The following CTNND2 variants were observed in gnomAD, a reference collection of about 807,000 sequenced individuals.
The protein encoded by CTNND2 is catenin delta 2, also known as catenin delta-2.
CTNND2 carries 22 observed loss-of-function variants against 144.4 expected under a neutral mutation model. The ratio of observed to expected loss-of-function variants is 0.15; its 90% CI spans 0.11 to 0.22. CTNND2 has a LOEUF of 0.22. Ranked by LOEUF, CTNND2 falls within the 10% of genes least tolerant of loss-of-function variation. The pLI, the probability that CTNND2 is intolerant of heterozygous loss-of-function variation, is 1.00. For missense variants in CTNND2, 1,353 were observed against 1,618.8 expected, an observed-to-expected ratio of 0.84 and a Z score of 2.82; for synonymous variants, 751 against 695.6, an observed-to-expected ratio of 1.08 and a Z score of -1.25.
intron 9 of CTNND2, among the ~76,000 whole-genome samples, chr5:11,286,136 A>G (rs77766167): frequency 0.041 from 6,225 of 152,254 alleles, 193 homozygotes; most frequent in African/African-American, 0.083. Context: ...TTAAACTTAA[A>G]TATTTAAATA....
chr5:11,581,324 T>C (rs1778414908), intron 2 of CTNND2, among the ~76,000 whole-genome samples: 1 of 152,222 alleles, frequency 6.6e-6, no homozygotes, highest in South Asian at 2.1e-4. Context: ...AACATATGCA[T>C]ATTTTCTTAG....
intron 10 of CTNND2, among the ~76,000 whole-genome samples, chr5:11,202,369 A>G (rs1310580780): frequency 1.3e-5 from 2 of 152,186 alleles, no homozygotes; most frequent in Non-Finnish European, 2.9e-5. Flanking sequence ...GCCCTAATTA[A>G]TGCCATATAC....
intron 1 of CTNND2, among the ~76,000 whole-genome samples, chr5:11,791,848 T>C (rs898268999): frequency 3.9e-5 from 6 of 152,118 alleles, no homozygotes; most frequent in African/African-American, 1.2e-4. Flanking sequence ...TCCCTCCCTA[T>C]TTTCTGAGTG....
intron 10 of CTNND2, among the ~76,000 whole-genome samples, chr5:11,214,490 A>T (rs567122706): frequency 1.3e-5 from 2 of 152,326 alleles, no homozygotes; most frequent in East Asian, 1.9e-4. Flanking sequence ...GATGCTGAGG[A>T]CTAATAACGA....
intron 9 of CTNND2, among the ~76,000 whole-genome samples, chr5:11,306,936 C>T (rs570578999): frequency 3.9e-5 from 6 of 152,220 alleles, no homozygotes; most frequent in Non-Finnish European, 7.4e-5. Context: ...TGTGTCCCTG[C>T]GGGAGCATGC....
chr5:11,327,276 C>T (rs952487955), intron 9 of CTNND2, among the ~76,000 whole-genome samples: 1 of 152,088 alleles, frequency 6.6e-6, no homozygotes, highest in African/African-American at 2.4e-5. Context: ...GATGAACAGT[C>T]CAGATCCCCA....
intron 9 of CTNND2, among the ~76,000 whole-genome samples, chr5:11,308,928 T>C (rs1488558962): frequency 6.6e-6 from 1 of 152,120 alleles, no homozygotes; most frequent in African/African-American, 2.4e-5. Flanking sequence ...ACGTCTTACA[T>C]GGTAGGAGCA....
chr5:11,555,181 C>T lies in CTNND2; in HGVS notation c.287+9763G>A, dbSNP rs72732990. On this transcript the variant is annotated intron_variant, in intron 3 of 21. Transcript: ENST00000304623. ...GTTGCTGTGTGCTGGCCACTGGTTTCGCATATGCTTGTCATCCCCGTCCTG... is the reference window on the plus strand; with the variant it reads ...GTTGCTGTGTGCTGGCCACTGGTTTTGCATATGCTTGTCATCCCCGTCCTG... Among the ~76,000 whole-genome samples, 1,507 of 152,202 alleles carry T rather than the reference C, an allele frequency of 9.9e-3. 19 individuals are homozygous for T. Among genetic ancestry groups the T allele is most frequent in the Non-Finnish European group, 0.014 (943 of 67,996 alleles).
At chr5:11,891,401 C>T (rs1256264947) in intron 1 of CTNND2, among the ~76,000 whole-genome samples, 2 of 152,162 alleles carry the variant, frequency 1.3e-5, no homozygotes, top group Non-Finnish European at 2.9e-5. Flanking sequence ...TTCCTTGACA[C>T]TGGGTAACTT....
chr5:11,272,448 C>G lies in CTNND2; in HGVS notation c.1629-35625G>C, dbSNP rs550773691. 2.0e-5 allele frequency among the ~76,000 whole-genome samples: 3 copies of G among 152,036 alleles called. No individual in the cohort carries two copies. In the East Asian group the frequency reaches 5.8e-4, roughly 29 times the overall value. The stretch of plus-strand genomic sequence containing the variant: ...TTTGACATGTATTTTGAATCAAGAC[C>G]CACAATAAAAACCTTAGATCCACCC... On this transcript the variant is annotated intron_variant, in intron 9 of 21. Transcript: ENST00000304623.
rs114323058 is a variant in CTNND2, at chr5:11,506,634, T to A, written c.287+58310A>T. 7.7e-3 allele frequency among the ~76,000 whole-genome samples: 1,169 copies of A among 152,354 alleles called. 19 individuals are homozygous for A. The highest frequency in any genetic ancestry group is 0.027 in the African/African-American group (1,131 of 41,564). Reference sequence around the variant, plus strand: ...ACTATAGTGACCATTTTAGTATGCATATGTGTCCCATAACACCATGCTGTT... The same window carrying A: ...ACTATAGTGACCATTTTAGTATGCAAATGTGTCCCATAACACCATGCTGTT... On this transcript the variant is annotated intron_variant, in intron 3 of 21. Transcript: ENST00000304623.
chr5:11,677,642 C>T (rs183617601), intron 2 of CTNND2, among the ~76,000 whole-genome samples: 103 of 152,202 alleles, frequency 6.8e-4, no homozygotes, highest in African/African-American at 2.0e-3. Context: ...GAACAACACA[C>T]GGTTATGAAA....
At chr5:11,277,143 T>A (rs1216623904) in intron 9 of CTNND2, among the ~76,000 whole-genome samples, 3 of 150,908 alleles carry the variant, frequency 2.0e-5, no homozygotes, top group South Asian at 2.1e-4. Flanking sequence ...CCCCCTTGCC[T>A]TTTTTTTTCT....
intron 9 of CTNND2, among the ~76,000 whole-genome samples, chr5:11,313,191 C>T (rs920137058): frequency 5.9e-5 from 9 of 152,158 alleles, no homozygotes; most frequent in South Asian, 2.1e-4. Flanking sequence ...TTTTCAACTC[C>T]GTCACAAGAA....
At chr5:11,581,322 C>T (rs1778414572) in intron 2 of CTNND2, among the ~76,000 whole-genome samples, 1 of 152,130 alleles carries the variant, frequency 6.6e-6, no homozygotes, top group African/African-American at 2.4e-5. Context: ...CAAACATATG[C>T]ATATTTTCTT....
Position 11,825,628 on chromosome 5 carries a change from T to C in CTNND2, c.37+78189A>G, listed in dbSNP as rs75691722. Among the ~76,000 whole-genome samples the C allele has an allele frequency of 3.3e-5, 5 of 152,152 alleles. No homozygotes were observed. In the East Asian group the frequency reaches 9.6e-4, roughly 29 times the overall value. ...AAGAAAATGAATAATAATCTAACAA[T>C]CCTGACCCATCATAATTCTGTTGCT... is the stretch of plus-strand genomic sequence containing the variant. On this transcript the variant is annotated intron_variant, in intron 1 of 21. Transcript: ENST00000304623.
chr5:11,316,718 G>T (rs183510264), intron 9 of CTNND2, among the ~76,000 whole-genome samples: 1 of 126,286 alleles, frequency 7.9e-6, no homozygotes, highest in South Asian at 2.6e-4. Flanking sequence ...TTCAATTCCC[G>T]CCTATGAGTG....
intron 1 of CTNND2, among the ~76,000 whole-genome samples, chr5:11,827,338 T>C (rs1793656244): frequency 1.3e-5 from 2 of 152,188 alleles, no homozygotes; most frequent in Non-Finnish European, 2.9e-5. Flanking sequence ...GGGCAAAATG[T>C]GCTGCATTAA....
intron 10 of CTNND2, among the ~76,000 whole-genome samples, chr5:11,230,571 C>T (rs537200774): frequency 5.5e-4 from 84 of 152,298 alleles, no homozygotes; most frequent in African/African-American, 2.0e-3. Context: ...CTAATCATGC[C>T]TGCGCCCTTT....
Sources: gnomAD v4.1 joint callset for allele counts (sites outside exome capture counted in the v4.1 genomes callset) on GRCh38, gnomAD v4.1.1 for gene constraint, MANE v1.5 for transcripts, NCBI Gene and HGNC (gene_info 2026-07-23, HGNC 2026-07-21) for gene names.